The following KLHL4 variants were observed in gnomAD, a reference collection of about 807,000 sequenced individuals.
The protein encoded by KLHL4 is kelch like family member 4, also known as kelch-like protein 4.
Under a neutral mutation model 45.8 loss-of-function variants are expected in KLHL4, and 17 were observed. The ratio of observed to expected loss-of-function variants is 0.37; its 90% CI spans 0.25 to 0.56. The LOEUF (loss-of-function observed/expected upper bound fraction) is 0.56. Among genes scored for constraint, KLHL4 ranks in the 20% least tolerant of loss-of-function variants. The probability of loss-of-function intolerance (pLI) is 0.79; values close to 1 mark genes in which losing one functional copy is unlikely to be tolerated. For missense variants in KLHL4, 544 were observed against 544.9 expected (o/e 1.00, Z 0.02); for synonymous variants, 224 against 189.9 (o/e 1.18, Z -1.47).
chrX:87,635,714 G>T lies in KLHL4; in HGVS notation c.1864G>T (p.Val622Leu). Residue 622 changes from valine (V) to leucine (L), a missense_variant, in exon 9 of 11, where the codon GTA (valine) becomes TTA (leucine). Coordinates refer to ENST00000373119, the MANE Select transcript of KLHL4 (RefSeq NM_019117.5). ...CACATACAATGGATTCTTATATGTT[G>T]TAGGGGGGCATGATGCCCCTGCTTC... is the stretch of plus-strand genomic sequence containing the variant. ...VATYNGFLYV[V>L]GGHDAPASNH... 8.3e-7 allele frequency: 1 copy of T among 1,205,788 alleles called. No individual in the cohort carries two copies. Among genetic ancestry groups the T allele is most frequent in the Non-Finnish European group, 1.1e-6 (1 of 891,487 alleles).
chrX:87,556,358 T>C (rs1931972947), intron 1 of KLHL4, among the ~76,000 whole-genome samples: 1 of 110,042 alleles, frequency 9.1e-6, no homozygotes, highest in Non-Finnish European at 1.9e-5. Context: ...AATGATGAGT[T>C]CATGTCCTTT....
chrX:87,614,554 G>T lies in KLHL4; in HGVS notation c.711G>T (p.Val237=), dbSNP rs143679285. ...GVDPNALNSL[V]QYAYTGVLQL... is the part of the protein sequence containing the mutation. ...ATCCAAATGCACTAAATTCCTTGGTGCAGTATGCTTACACAGGTAAGTGCC... is the reference window on the plus strand; with the variant it reads ...ATCCAAATGCACTAAATTCCTTGGTTCAGTATGCTTACACAGGTAAGTGCC... Residue 237 remains valine, a synonymous_variant, in exon 3 of 11, where the codon GTG becomes GTT. Coordinates refer to ENST00000373119, the MANE Select transcript of KLHL4 (RefSeq NM_019117.5). 50 of 1,205,409 alleles carry T rather than the reference G, an allele frequency of 4.1e-5. No homozygotes were observed. The African/African-American group carries it at 7.9e-4, about 19-fold the overall frequency.
intron 9 of KLHL4, among the ~76,000 whole-genome samples, chrX:87,662,447 A>C (rs1193895693): frequency 8.9e-6 from 1 of 112,296 alleles, no homozygotes; most frequent in Admixed American, 9.5e-5. Flanking sequence ...ATGCAAAAGT[A>C]GTTGAAATCA....
chrX:87,554,928 GTGT>G (rs1470074900), intron 1 of KLHL4, among the ~76,000 whole-genome samples: 1 of 106,269 alleles, frequency 9.4e-6, no homozygotes, highest in Non-Finnish European at 1.9e-5. Context: ...TTAGCATGAA[GTGT>G]TGTTGAATTT....
chrX:87,597,720 C>A (rs1169952536), intron 1 of KLHL4, among the ~76,000 whole-genome samples: 1 of 111,320 alleles, frequency 9.0e-6, no homozygotes, highest in African/African-American at 3.3e-5. Flanking sequence ...CTTGGGAATC[C>A]AACTTTAAGA....
chrX:87,584,360 C>T (rs757868867), intron 1 of KLHL4, among the ~76,000 whole-genome samples: 12 of 111,906 alleles, frequency 1.1e-4, no homozygotes, highest in East Asian at 5.7e-4. Context: ...AATAAATGAA[C>T]GAAATAAGGT....
intron 1 of KLHL4, among the ~76,000 whole-genome samples, chrX:87,529,964 T>C (rs1298768268): frequency 4.5e-5 from 5 of 111,794 alleles, no homozygotes; most frequent in Non-Finnish European, 9.4e-5. Context: ...GCAAGTACTA[T>C]AATCAAAGAA....
chrX:87,546,453 G>A (rs1219283101), intron 1 of KLHL4, among the ~76,000 whole-genome samples: 2 of 112,309 alleles, frequency 1.8e-5, no homozygotes, highest in South Asian at 3.7e-4. Context: ...TTCAGAGGAT[G>A]TATGGAAACA....
At chrX:87,530,679 A>G (rs1485401149) in intron 1 of KLHL4, among the ~76,000 whole-genome samples, 2 of 106,576 alleles carry the variant, frequency 1.9e-5, no homozygotes, top group Non-Finnish European at 3.8e-5. Context: ...ATTCTTGGAC[A>G]TTTGGGTTGG....
intron 1 of KLHL4, among the ~76,000 whole-genome samples, chrX:87,595,441 GTTCT>G (rs1449847134): frequency 2.7e-5 from 3 of 111,738 alleles, no homozygotes; most frequent in African/African-American, 9.8e-5. Flanking sequence ...TTCATCCTGT[GTTCT>G]TTATTGAAAA....
chrX:87,556,983 A>T lies in KLHL4; in HGVS notation c.422+38668A>T, dbSNP rs754839807. 2.7e-5 allele frequency among the ~76,000 whole-genome samples: 3 copies of T among 111,882 alleles called. No individual in the cohort carries two copies. In the South Asian group the frequency reaches 1.1e-3, roughly 42 times the overall value. On this transcript the variant is annotated intron_variant, in intron 1 of 10. Coordinates refer to ENST00000373119, the MANE Select transcript of KLHL4 (RefSeq NM_019117.5). ...ATATCTTCCAGGCAATCCAGCAAAT[A>T]TAACACTTTGAACAGATGAGCAGAG...
At chrX:87,660,617 G>T (rs889489744) in intron 9 of KLHL4, among the ~76,000 whole-genome samples, 1 of 111,996 alleles carries the variant, frequency 8.9e-6, no homozygotes, top group African/African-American at 3.2e-5. Flanking sequence ...GGCCGAGGTG[G>T]GTGGATCACT....
At chrX:87,608,847 G>A (rs1273916109) in intron 1 of KLHL4, among the ~76,000 whole-genome samples, 1 of 110,790 alleles carries the variant, frequency 9.0e-6, no homozygotes, top group Non-Finnish European at 1.9e-5. Context: ...GTGCCATGCT[G>A]GTGTGCTGTA....
intron 9 of KLHL4, among the ~76,000 whole-genome samples, chrX:87,652,368 T>C (rs1923847369): frequency 8.9e-6 from 1 of 112,534 alleles, no homozygotes; most frequent in Non-Finnish European, 1.9e-5. Context: ...AGAAATTTTC[T>C]ATCACATTGT....
chrX:87,590,238 T>C (rs991866557), intron 1 of KLHL4, among the ~76,000 whole-genome samples: 5 of 110,331 alleles, frequency 4.5e-5, no homozygotes, highest in Admixed American at 9.7e-5. Context: ...GCAAAATATC[T>C]CATGTACCCC....
intron 9 of KLHL4, among the ~76,000 whole-genome samples, chrX:87,657,180 AGTG>A (rs1274733850): frequency 2.7e-5 from 3 of 112,218 alleles, no homozygotes; most frequent in Non-Finnish European, 3.8e-5. Flanking sequence ...GGTAAGAGCC[AGTG>A]GTGGTGGTGG....
intron 1 of KLHL4, among the ~76,000 whole-genome samples, chrX:87,546,032 G>A (rs1006262349): frequency 3.6e-5 from 4 of 111,460 alleles, no homozygotes; most frequent in Admixed American, 1.9e-4. Flanking sequence ...TTTGCAGGCT[G>A]GCGATGCAAT....
intron 9 of KLHL4, among the ~76,000 whole-genome samples, chrX:87,646,067 C>T (rs1368205306): frequency 9.0e-6 from 1 of 111,188 alleles, no homozygotes; most frequent in Non-Finnish European, 1.9e-5. Context: ...TTAATATACA[C>T]AAATCTGTAG....
At position 87,625,715 on chromosome X, in the gene KLHL4, A is replaced by T. The variant is rs1419656461; in HGVS notation, c.1243A>T (p.Met415Leu). 1 of 1,210,138 alleles carries T rather than the reference A, an allele frequency of 8.3e-7. No individual in the cohort carries two copies. Among genetic ancestry groups the T allele is most frequent in the Admixed American group, 2.2e-5 (1 of 45,940 alleles). The change falls in exon 6 of 11, where the codon ATG becomes TTG. Residue 415 changes from methionine to leucine, a missense_variant. Physicochemically the swap from Met to Leu is conservative, Grantham distance 15. Coordinates refer to ENST00000373119, the MANE Select transcript of KLHL4 (RefSeq NM_019117.5). ...TCATCTTTTGCCTGAGAGAAGATCC[A>T]TGATGCAAAGCCCTCGGACAAAGCC... ...KYHLLPERRSMMQSPRTKPRK... is the reference protein window; with the variant it reads ...KYHLLPERRSLMQSPRTKPRK...
Sources: gnomAD v4.1 joint callset for allele counts (sites outside exome capture counted in the v4.1 genomes callset) on GRCh38, gnomAD v4.1.1 for gene constraint, MANE v1.5 for transcripts, NCBI Gene and HGNC (gene_info 2026-07-23, HGNC 2026-07-21) for gene names.